Variants in PCDHGA3 observed in about 807,000 individuals in gnomAD.
PCDHGA3 encodes the protein protocadherin gamma-A3.
PCDHGA3 carries 40 observed loss-of-function variants against 58.5 expected under a neutral mutation model. That is an observed-to-expected ratio of 0.68 (90% CI 0.53 to 0.89). PCDHGA3 has a LOEUF of 0.89. Among genes scored for constraint, PCDHGA3 ranks in the 40% least tolerant of loss-of-function variants. The pLI, the probability that PCDHGA3 is intolerant of heterozygous loss-of-function variation, is 0.00. For missense variants in PCDHGA3, 1,223 were observed against 1,195.9 expected (o/e 1.02, Z -0.33); for synonymous variants, 530 against 525.7 (o/e 1.01, Z -0.11).
Position 141,354,128 on chromosome 5 carries a change from T to C in PCDHGA3, c.2424+7671T>C, listed in dbSNP as rs576789277. Among the ~76,000 whole-genome samples the C allele has an allele frequency of 6.2e-4, 95 of 152,250 alleles. 1 individual carries two copies. The highest frequency in any genetic ancestry group is 1.2e-3 in the Non-Finnish European group (85 of 68,032). ...TGAGAGCTAAAGTAAAGTTAGAAAT[T>C]GTAAAATAATACTGAATGTGTCATG... On this transcript the variant is annotated intron_variant, in intron 1 of 3. Coordinates refer to ENST00000253812, the MANE Select transcript of PCDHGA3 (RefSeq NM_018916.4).
At chr5:141,356,540 A>G (rs527720732) in intron 1 of PCDHGA3, 1 of 1,614,106 alleles carries the variant, frequency 6.2e-7, no homozygotes, top group East Asian at 2.2e-5. Flanking sequence ...GACATCAATG[A>G]CAACCCACCC....
chr5:141,426,270 G>A lies in PCDHGA3; in HGVS notation c.2425-68537G>A, dbSNP rs999517850. On this transcript the variant is annotated intron_variant, in intron 1 of 3. Coordinates refer to ENST00000253812, the MANE Select transcript of PCDHGA3 (RefSeq NM_018916.4). Reference sequence around the variant, plus strand: ...TTTTCTCTTAACGTCGGAGACTGCAGCAACGCATGGGAAGGATGGGAAACA... The same window carrying A: ...TTTTCTCTTAACGTCGGAGACTGCAACAACGCATGGGAAGGATGGGAAACA... 2.6e-4 allele frequency: 43 copies of A among 163,626 alleles called. 1 individual carries two copies. The highest frequency in any genetic ancestry group is 3.0e-3 in the Middle Eastern group (1 of 328). 10.1% of individuals were successfully genotyped at this position (163,626 alleles called of 1,614,324 possible).
intron 3 of PCDHGA3, among the ~76,000 whole-genome samples, chr5:141,510,354 G>A (rs1311482557): frequency 2.1e-5 from 3 of 146,300 alleles, no homozygotes; most frequent in Non-Finnish European, 4.5e-5. Flanking sequence ...ACTTACTAAC[G>A]GAACTACCGA....
chr5:141,501,182 C>A (rs531641143), intron 2 of PCDHGA3, among the ~76,000 whole-genome samples: 1 of 152,126 alleles, frequency 6.6e-6, no homozygotes, highest in Non-Finnish European at 1.5e-5. Context: ...TACATTTTAA[C>A]ACAATTAAAT....
intron 1 of PCDHGA3, among the ~76,000 whole-genome samples, chr5:141,373,754 ATAT>A (rs1224910859): frequency 6.6e-6 from 1 of 152,230 alleles, no homozygotes; most frequent in Non-Finnish European, 1.5e-5. Context: ...GGGGAGGGAA[ATAT>A]TATGAGTGTC....
intron 1 of PCDHGA3, chr5:141,371,441 G>C: frequency 1.2e-6 from 2 of 1,613,958 alleles, no homozygotes; most frequent in Non-Finnish European, 1.7e-6. Context: ...AGATAACCCT[G>C]GCTTCTGAAT....
intron 1 of PCDHGA3, chr5:141,374,073 A>AT: frequency 6.6e-7 from 1 of 1,510,034 alleles, no homozygotes; most frequent in Non-Finnish European, 8.8e-7. Flanking sequence ...GAAGTTCCTA[A>AT]TAAGCCAGTA....
chr5:141,391,896 G>A (rs2092439615), intron 1 of PCDHGA3: 1 of 152,128 alleles, frequency 6.6e-6, no homozygotes, highest in Non-Finnish European at 1.5e-5. Flanking sequence ...ATGGGATGGA[G>A]CTTTGCTTTT....
chr5:141,509,027 A>G (rs1409179803), intron 3 of PCDHGA3, among the ~76,000 whole-genome samples: 1 of 151,700 alleles, frequency 6.6e-6, no homozygotes, highest in Non-Finnish European at 1.5e-5. Flanking sequence ...GCTCCCTCCC[A>G]CTCAACCCCT....
intron 1 of PCDHGA3, chr5:141,399,271 T>C: frequency 1.2e-6 from 2 of 1,613,926 alleles, no homozygotes; most frequent in Non-Finnish European, 1.7e-6. Flanking sequence ...TAATTGTCAA[T>C]TACAAGGCGA....
chr5:141,409,164 C>G (rs115772303), intron 1 of PCDHGA3: 18 of 1,613,792 alleles, frequency 1.1e-5, no homozygotes, highest in Non-Finnish European at 1.4e-5. Flanking sequence ...GAAGTGGAAG[C>G]GAAGGACGGA....
rs1488305057 is a variant in PCDHGA3, at chr5:141,477,736, C to A, written c.2425-17071C>A. ...AATTTGAATTAACAGCTCATATCAG[C>A]GATGGGGGCACCCCGGTCCTAGCCA... On this transcript the variant is annotated intron_variant, in intron 1 of 3. Transcript: ENST00000253812. This position sits in a 1 kb window ranked among gnomAD's most constrained non-coding sequence, Gnocchi z 4.9. The A allele has an allele frequency of 6.2e-7, 1 of 1,613,790 alleles. No homozygotes were observed. Among genetic ancestry groups the A allele is most frequent in the Non-Finnish European group, 8.5e-7 (1 of 1,180,024 alleles).
At chr5:141,365,482 C>T (rs1158935683) in intron 1 of PCDHGA3, 2 of 1,613,836 alleles carry the variant, frequency 1.2e-6, no homozygotes, top group Non-Finnish European at 1.7e-6. Context: ...AGATTGCATG[C>T]TCTATTCCTA....
intron 1 of PCDHGA3, chr5:141,392,568 T>G: frequency 2.3e-6 from 1 of 442,486 alleles, no homozygotes; most frequent in South Asian, 4.4e-5. Flanking sequence ...CAGTAACTAT[T>G]TAGGACTGTA....
rs1158003183 is a variant in PCDHGA3, at chr5:141,397,388, G to A, written c.2424+50931G>A. Among the ~76,000 whole-genome samples the A allele has an allele frequency of 3.9e-5, 6 of 152,232 alleles. No individual in the cohort carries two copies. In the East Asian group the frequency reaches 1.2e-3, roughly 29 times the overall value. Reference sequence around the variant, plus strand: ...GATGTTTGGGGATTGGTATAAAATTGCCACAACTTTACAAAATAGTTTTAA... The same window carrying A: ...GATGTTTGGGGATTGGTATAAAATTACCACAACTTTACAAAATAGTTTTAA... On this transcript the variant is annotated intron_variant, in intron 1 of 3. Transcript: ENST00000253812.
chr5:141,382,988 G>T (rs958046112), intron 1 of PCDHGA3: 2 of 1,613,090 alleles, frequency 1.2e-6, no homozygotes, highest in African/African-American at 2.7e-5. Context: ...TGGGCAGGAC[G>T]TATTCTCTAC....
chr5:141,372,161 C>T lies in PCDHGA3; in HGVS notation c.2424+25704C>T, dbSNP rs777425940. 5.6e-6 allele frequency: 9 copies of T among 1,613,776 alleles called. No individual in the cohort carries two copies. The Middle Eastern group carries it at 5.0e-4, about 89-fold the overall frequency. On this transcript the variant is annotated intron_variant, in intron 1 of 3. Transcript: ENST00000253812. Reference sequence around the variant, plus strand: ...CTGCAGAGCCTGGCTACCTGGTGACCAAGGTGGTGGCGGTGGACGCAGACT... The same window carrying T: ...CTGCAGAGCCTGGCTACCTGGTGACTAAGGTGGTGGCGGTGGACGCAGACT...
intron 1 of PCDHGA3, chr5:141,366,897 T>C (rs1764856228): frequency 6.6e-6 from 8 of 1,211,018 alleles, no homozygotes; most frequent in Non-Finnish European, 9.0e-6. Context: ...ATATAATTCA[T>C]GCTTTCTCCA....
chr5:141,506,444 CAAAAAA>C (rs1219684339), intron 3 of PCDHGA3, among the ~76,000 whole-genome samples: 1 of 95,026 alleles, frequency 1.1e-5, no homozygotes, highest in African/African-American at 4.0e-5. Flanking sequence ...CGCTCTGTCT[CAAAAAA>C]AAAAAAAAAA....
Sources: allele counts gnomAD v4.1 joint callset (sites outside exome capture counted in the v4.1 genomes callset), GRCh38; gene constraint gnomAD v4.1.1; non-coding constraint Gnocchi (gnomAD v3.1); transcripts MANE v1.5; gene names NCBI Gene and HGNC (gene_info 2026-07-23, HGNC 2026-07-21).